Variants in FAM117B observed in about 807,000 individuals in gnomAD.
FAM117B encodes family with sequence similarity 117 member B, also known as protein FAM117B.
A neutral mutation model predicts 52.8 loss-of-function variants in FAM117B; 22 were observed. That is an observed-to-expected ratio of 0.42 (90% CI 0.30 to 0.59). The LOEUF (loss-of-function observed/expected upper bound fraction) is 0.59. Among genes scored for constraint, FAM117B ranks in the 20% least tolerant of loss-of-function variants. The pLI is 0.22. For synonymous variants in FAM117B, 309 were observed against 324.1 expected (o/e 0.95, Z 0.50); for missense variants, 678 against 802.6 (o/e 0.84, Z 1.88).
intron 2 of FAM117B, among the ~76,000 whole-genome samples, chr2:202,716,551 A>G (rs1691060053): frequency 6.6e-6 from 1 of 150,918 alleles, no homozygotes; most frequent in African/African-American, 2.4e-5. Flanking sequence ...CTGTTGTTGT[A>G]TGTTTTTTGA....
intron 4 of FAM117B, among the ~76,000 whole-genome samples, chr2:202,754,202 G>T (rs550296062): frequency 1.3e-5 from 2 of 152,218 alleles, no homozygotes; most frequent in South Asian, 4.1e-4. Context: ...GCCATAAAAA[G>T]GAATGAGATC....
At chr2:202,664,585 A>T (rs935616450) in intron 1 of FAM117B, among the ~76,000 whole-genome samples, 1 of 152,356 alleles carries the variant, frequency 6.6e-6, no homozygotes, top group Non-Finnish European at 1.5e-5. Context: ...AGAACTAATT[A>T]TGAAAATTTT....
At chr2:202,718,092 G>C (rs1473824466) in intron 2 of FAM117B, among the ~76,000 whole-genome samples, 1 of 152,192 alleles carries the variant, frequency 6.6e-6, no homozygotes, top group African/African-American at 2.4e-5. Flanking sequence ...AGTACTGCCA[G>C]GCCACTGCCA....
intron 4 of FAM117B, among the ~76,000 whole-genome samples, chr2:202,731,738 T>C (rs1175525761): frequency 6.6e-6 from 1 of 151,170 alleles, no homozygotes; most frequent in Non-Finnish European, 1.5e-5. Flanking sequence ...CCTACTTTTT[T>C]TTGTTTGTTT....
intron 1 of FAM117B, among the ~76,000 whole-genome samples, chr2:202,675,861 C>T (rs763040611): frequency 6.6e-6 from 1 of 151,322 alleles, no homozygotes; most frequent in Non-Finnish European, 1.5e-5. Context: ...GGCATGTGCC[C>T]GTAATCCCAG....
At chr2:202,762,488 G>T (rs935581499) in intron 7 of FAM117B, among the ~76,000 whole-genome samples, 8 of 152,092 alleles carry the variant, frequency 5.3e-5, no homozygotes, top group Non-Finnish European at 1.2e-4. Flanking sequence ...TACACATTAT[G>T]GCTTCTTTGC....
intron 1 of FAM117B, among the ~76,000 whole-genome samples, chr2:202,686,544 G>A (rs991913526): frequency 7.2e-5 from 11 of 152,196 alleles, no homozygotes; most frequent in African/African-American, 2.2e-4. Context: ...GAGCGCGGTG[G>A]CTCATGCCTG....
intron 7 of FAM117B, among the ~76,000 whole-genome samples, chr2:202,761,226 C>G (rs1047780527): frequency 6.6e-6 from 1 of 152,166 alleles, no homozygotes; most frequent in African/African-American, 2.4e-5. Context: ...TACTCATTGG[C>G]CCTTAGGATT....
At chr2:202,738,906 C>T (rs1691481139) in intron 4 of FAM117B, among the ~76,000 whole-genome samples, 1 of 152,034 alleles carries the variant, frequency 6.6e-6, no homozygotes, top group Admixed American at 6.6e-5. Context: ...AACCTTATGT[C>T]GGCCAGGTGT....
intron 1 of FAM117B, among the ~76,000 whole-genome samples, chr2:202,676,392 C>A (rs200017672): frequency 2.9e-5 from 3 of 101,974 alleles, no homozygotes. Flanking sequence ...TTTTTTTTTT[C>A]TTTTGAGATG....
intron 2 of FAM117B, among the ~76,000 whole-genome samples, chr2:202,721,753 C>A (rs1458191558): frequency 6.6e-6 from 1 of 152,076 alleles, no homozygotes; most frequent in Non-Finnish European, 1.5e-5. Context: ...CCCACCTCAG[C>A]CTTTCAAGTA....
chr2:202,722,868 A>G (rs1356468790), intron 2 of FAM117B, among the ~76,000 whole-genome samples: 1 of 152,150 alleles, frequency 6.6e-6, no homozygotes, highest in Non-Finnish European at 1.5e-5. Flanking sequence ...TTTAAATTTT[A>G]TAGTATTAAG....
intron 1 of FAM117B, among the ~76,000 whole-genome samples, chr2:202,641,431 T>C (rs1364163179): frequency 6.6e-6 from 1 of 152,196 alleles, no homozygotes; most frequent in East Asian, 1.9e-4. Flanking sequence ...AAGTATTCCA[T>C]GGTTAATAGT....
intron 1 of FAM117B, among the ~76,000 whole-genome samples, chr2:202,643,959 C>G (rs1489876213): frequency 2.6e-5 from 4 of 151,764 alleles, no homozygotes; most frequent in Non-Finnish European, 5.9e-5. Context: ...ATCCACCCGC[C>G]TTGGCCTCCC....
intron 1 of FAM117B, among the ~76,000 whole-genome samples, chr2:202,657,198 G>T (rs1377640066): frequency 6.6e-6 from 1 of 151,872 alleles, no homozygotes; most frequent in African/African-American, 2.4e-5. Flanking sequence ...AGCAATTCTT[G>T]TGCCTCAGCC....
intron 4 of FAM117B, among the ~76,000 whole-genome samples, chr2:202,727,550 A>C (rs1019831466): frequency 6.6e-6 from 1 of 152,124 alleles, no homozygotes; most frequent in African/African-American, 2.4e-5. Context: ...TACAAATAAA[A>C]ATACAGTATG....
At chr2:202,727,714 G>A (rs184133584) in intron 4 of FAM117B, among the ~76,000 whole-genome samples, 1 of 152,172 alleles carries the variant, frequency 6.6e-6, no homozygotes, top group Non-Finnish European at 1.5e-5. Context: ...GTATTTGGAG[G>A]GGGGTCCTGT....
intron 2 of FAM117B, among the ~76,000 whole-genome samples, chr2:202,708,068 C>A (rs1444596942): frequency 6.6e-6 from 1 of 152,068 alleles, no homozygotes; most frequent in Non-Finnish European, 1.5e-5. Flanking sequence ...CCACGCCCAG[C>A]CTAATTTTTT....
chr2:202,728,183 G>A (rs1246879398), intron 4 of FAM117B, among the ~76,000 whole-genome samples: 1 of 151,904 alleles, frequency 6.6e-6, no homozygotes, highest in Non-Finnish European at 1.5e-5. Context: ...TGTAGAGATG[G>A]GGTCTGTGTT....
Sources: allele counts gnomAD v4.1 joint callset (sites outside exome capture counted in the v4.1 genomes callset), GRCh38; gene constraint gnomAD v4.1.1; transcripts MANE v1.5; gene names NCBI Gene and HGNC (gene_info 2026-07-23, HGNC 2026-07-21).